The following ADAMTSL1 variants were observed in gnomAD, a reference collection of about 807,000 sequenced individuals.
ADAMTSL1 encodes ADAMTS like 1.
A neutral mutation model predicts 201.8 loss-of-function variants in ADAMTSL1; 126 were observed. That is an observed-to-expected ratio of 0.62 (90% CI 0.54 to 0.72). The LOEUF (loss-of-function observed/expected upper bound fraction) is 0.72, where lower values mean the gene tolerates loss of function less well. Among genes scored for constraint, ADAMTSL1 ranks in the 30% least tolerant of loss-of-function variants. The pLI, the probability that ADAMTSL1 is intolerant of heterozygous loss-of-function variation, is 0.00. For missense variants in ADAMTSL1, 2,679 were observed against 2,277.8 expected, an observed-to-expected ratio of 1.18 and a Z score of -3.59; for synonymous variants, 1,121 against 903.4, an observed-to-expected ratio of 1.24 and a Z score of -4.32.
At chr9:18,435,629 T>C (rs1819695502) in intron 2 of ADAMTSL1, among the ~76,000 whole-genome samples, 1 of 152,204 alleles carries the variant, frequency 6.6e-6, no homozygotes, top group South Asian at 2.1e-4. Flanking sequence ...TGAAGAGATC[T>C]GTGAGGCCAG....
Position 18,826,386 on chromosome 9 carries a change from C to T in ADAMTSL1, c.4037C>T (p.Ser1346Leu), listed in dbSNP as rs781186120. ...TTGCTGCTCACAAACGTGTCCTCCT[C>T]GGATCAGGGCCTGTACTCCTGCAGG... ...GSLLLTNVSS[S>L]DQGLYSCRAA... The change falls in exon 22 of 29, where the codon TCG becomes TTG. Residue 1346 changes from serine (S) to leucine (L), a missense_variant. Coordinates refer to ENST00000380548, the MANE Select transcript of ADAMTSL1 (RefSeq NM_001040272.6). 1.8e-5 allele frequency: 29 copies of T among 1,613,606 alleles called. No individual in the cohort carries two copies. In the Middle Eastern group the frequency reaches 8.2e-4, roughly 46 times the overall value.
chr9:18,009,427 T>A (rs1041589291), intron 1 of ADAMTSL1, among the ~76,000 whole-genome samples: 3 of 151,998 alleles, frequency 2.0e-5, no homozygotes, highest in Non-Finnish European at 4.4e-5. Context: ...ACAGTGTAAG[T>A]CTCCTGTCTT....
intron 2 of ADAMTSL1, among the ~76,000 whole-genome samples, chr9:18,164,322 T>C (rs892529872): frequency 1.3e-5 from 2 of 151,946 alleles, no homozygotes; most frequent in Non-Finnish European, 2.9e-5. Flanking sequence ...GAGATTTATA[T>C]GTAAAGCCCA....
At chr9:18,074,922 G>A (rs1484139773) in intron 1 of ADAMTSL1, among the ~76,000 whole-genome samples, 1 of 152,140 alleles carries the variant, frequency 6.6e-6, no homozygotes, top group Non-Finnish European at 1.5e-5. Context: ...CACTGGAAAG[G>A]GAATGCTGTC....
In ADAMTSL1 at chr9:18,324,275, G is replaced by A. The variant is rs1281267464; in HGVS notation, c.207+160294G>A. On this transcript the variant is annotated intron_variant, in intron 2 of 29. Transcript: ENST00000680146. ...TAAACATATGGGAAAAATGAACATT[G>A]ATCACTACTTCACACTCACACAAAA... Among the ~76,000 whole-genome samples, 5 of 152,142 alleles carry A rather than the reference G, an allele frequency of 3.3e-5. No homozygotes were observed. The East Asian group carries it at 9.6e-4, about 29-fold the overall frequency.
chr9:18,486,687 C>T (rs150557431), intron 1 of ADAMTSL1, among the ~76,000 whole-genome samples: 115 of 152,192 alleles, frequency 7.6e-4, no homozygotes, highest in Non-Finnish European at 3.7e-4. Context: ...GCCTGGGTGA[C>T]AAAGTGAGAC....
At chr9:18,153,559 G>A (rs1827015091) in intron 1 of ADAMTSL1, among the ~76,000 whole-genome samples, 2 of 151,986 alleles carry the variant, frequency 1.3e-5, no homozygotes, top group South Asian at 2.1e-4. Context: ...ACATTTTGAG[G>A]CTGAAAGGTA....
chr9:18,224,784 T>C (rs1830384613), intron 2 of ADAMTSL1, among the ~76,000 whole-genome samples: 1 of 152,170 alleles, frequency 6.6e-6, no homozygotes, highest in African/African-American at 2.4e-5. Flanking sequence ...ACAGTACTCC[T>C]ATTGAATAGT....
intron 2 of ADAMTSL1, among the ~76,000 whole-genome samples, chr9:18,249,117 A>G (rs529143845): frequency 6.6e-6 from 1 of 152,132 alleles, no homozygotes; most frequent in Non-Finnish European, 1.5e-5. Flanking sequence ...TTGCTTGGCC[A>G]CCCCTCACTT....
chr9:18,312,588 G>A (rs545544056), intron 2 of ADAMTSL1, among the ~76,000 whole-genome samples: 6 of 152,246 alleles, frequency 3.9e-5, no homozygotes, highest in South Asian at 2.1e-4. Context: ...ATACCAAGAC[G>A]TTCCCACTGG....
At chr9:18,826,990 C>T (rs1588176479) in intron 22 of ADAMTSL1, among the ~76,000 whole-genome samples, 1 of 152,046 alleles carries the variant, frequency 6.6e-6, no homozygotes, top group African/African-American at 2.4e-5. Flanking sequence ...TCTGGCATGG[C>T]TCCTGGTATA....
chr9:18,351,177 A>G (rs762236610), intron 2 of ADAMTSL1, among the ~76,000 whole-genome samples: 7 of 151,956 alleles, frequency 4.6e-5, no homozygotes, highest in Non-Finnish European at 1.0e-4. Flanking sequence ...AAGACACTAC[A>G]TCATCTGGCA....
At chr9:18,086,926 G>A (rs1823793798) in intron 1 of ADAMTSL1, among the ~76,000 whole-genome samples, 1 of 152,108 alleles carries the variant, frequency 6.6e-6, no homozygotes, top group Admixed American at 6.5e-5. Flanking sequence ...AGATTTTGAT[G>A]ACTTAGGGTT....
chr9:18,181,084 T>C (rs1404659489), intron 2 of ADAMTSL1, among the ~76,000 whole-genome samples: 1 of 152,196 alleles, frequency 6.6e-6, no homozygotes, highest in African/African-American at 2.4e-5. Flanking sequence ...GCTAGCCATA[T>C]GTAGAAAGCT....
chr9:18,523,546 G>C (rs1398700092), intron 2 of ADAMTSL1, among the ~76,000 whole-genome samples: 1 of 152,094 alleles, frequency 6.6e-6, no homozygotes, highest in African/African-American at 2.4e-5. Flanking sequence ...TATTGCCTAG[G>C]TTTTCTTCTA....
intron 1 of ADAMTSL1, among the ~76,000 whole-genome samples, chr9:18,157,553 C>G (rs1266521302): frequency 3.9e-5 from 6 of 152,012 alleles, no homozygotes; most frequent in African/African-American, 1.4e-4. Context: ...CCGAACTAAG[C>G]AGGAACATCT....
chr9:18,388,155 A>AT (rs1348008339), intron 2 of ADAMTSL1, among the ~76,000 whole-genome samples: 2 of 151,652 alleles, frequency 1.3e-5, no homozygotes, highest in Non-Finnish European at 2.9e-5. Flanking sequence ...AATTTTACAC[A>AT]TTTTTTTGTA....
At chr9:18,432,127 A>G (rs1208064610) in intron 2 of ADAMTSL1, among the ~76,000 whole-genome samples, 1 of 152,208 alleles carries the variant, frequency 6.6e-6, no homozygotes, top group Non-Finnish European at 1.5e-5. Flanking sequence ...TTCTGGTTGA[A>G]AAGAATTTTT....
intron 2 of ADAMTSL1, among the ~76,000 whole-genome samples, chr9:18,443,465 A>G (rs559820440): frequency 2.0e-4 from 31 of 152,312 alleles, no homozygotes; most frequent in African/African-American, 6.3e-4. Flanking sequence ...TTAAAAGGCA[A>G]AGTTAGTGAG....
Sources: gnomAD v4.1 joint callset for allele counts (sites outside exome capture counted in the v4.1 genomes callset) on GRCh38, gnomAD v4.1.1 for gene constraint, MANE v1.5 for transcripts, NCBI Gene and HGNC (gene_info 2026-07-23, HGNC 2026-07-21) for gene names.